The following TOX2 variants were observed in gnomAD, a reference collection of about 807,000 sequenced individuals.
TOX2 encodes granulosa cell HMG box 1.
Under a neutral mutation model 47.4 loss-of-function variants are expected in TOX2, and 15 were observed. That is an observed-to-expected ratio of 0.32 (90% CI 0.21 to 0.49). The LOEUF is 0.49. Ranked by LOEUF, TOX2 falls within the 20% of genes least tolerant of loss-of-function variation. The pLI is 0.99. For missense variants in TOX2, 622 were observed against 673.1 expected, an observed-to-expected ratio of 0.92 and a Z score of 0.84; for synonymous variants, 290 against 296.6, an observed-to-expected ratio of 0.98 and a Z score of 0.23.
intron 1 of TOX2, chr20:43,945,846 C>A (rs2069460194): frequency 6.3e-7 from 1 of 1,595,050 alleles, no homozygotes; most frequent in Non-Finnish European, 8.5e-7. Context: ...AATAGAGGAC[C>A]AAGAGTTGTC....
intron 3 of TOX2, among the ~76,000 whole-genome samples, chr20:44,023,431 GAA>G (rs35627597): frequency 7.6e-5 from 9 of 119,146 alleles, no homozygotes; most frequent in East Asian, 4.7e-4. Flanking sequence ...CTTTATCTCA[GAA>G]AAAAAAAAAA....
At chr20:43,938,021 C>T (rs897673202) in intron 1 of TOX2, among the ~76,000 whole-genome samples, 1 of 152,194 alleles carries the variant, frequency 6.6e-6, no homozygotes, top group Non-Finnish European at 1.5e-5. Context: ...ATAGGGCCAG[C>T]TCCCATCCTC....
rs1392976478 is a variant in TOX2 at position 43,915,790 on chromosome 20, G to T, written c.99+800G>T. ...AGGCCTGTGTCCTCCCGGGAGCGGTGAGCCGGCGTCCCTCCAGGCTGGGGC... is the reference window on the plus strand; with the variant it reads ...AGGCCTGTGTCCTCCCGGGAGCGGTTAGCCGGCGTCCCTCCAGGCTGGGGC... On this transcript the variant is annotated intron_variant, in intron 1 of 8. Transcript: ENST00000341197. The surrounding 1 kb of genome is among the most constrained non-coding windows in gnomAD (Gnocchi z 7.1). Among the ~76,000 whole-genome samples, 1 of 152,236 alleles carries T rather than the reference G, an allele frequency of 6.6e-6. No homozygotes were observed. Among genetic ancestry groups the T allele is most frequent in the Non-Finnish European group, 1.5e-5 (1 of 68,038 alleles).
intron 3 of TOX2, among the ~76,000 whole-genome samples, chr20:44,014,128 C>CAAAAAAAAAA (rs55721806): frequency 1.9e-5 from 1 of 53,578 alleles, no homozygotes; most frequent in African/African-American, 7.5e-5. Context: ...GAGACTATCT[C>CAAAAAAAAAA]AAAAAAAAAA....
chr20:43,952,169 G>A (rs991586653), intron 1 of TOX2, among the ~76,000 whole-genome samples: 1 of 152,034 alleles, frequency 6.6e-6, no homozygotes, highest in African/African-American at 2.4e-5. Context: ...CCAAAGTGCT[G>A]GAATTACAGG....
chr20:43,992,134 A>T (rs1051443989), intron 2 of TOX2, among the ~76,000 whole-genome samples: 9 of 152,182 alleles, frequency 5.9e-5, no homozygotes, highest in Non-Finnish European at 1.0e-4. Flanking sequence ...GGGAAAGGAC[A>T]TTGCAGTAGA....
At chr20:44,068,347 T>C (rs528455238) in intron 8 of TOX2, among the ~76,000 whole-genome samples, 1 of 152,214 alleles carries the variant, frequency 6.6e-6, no homozygotes, top group Admixed American at 6.5e-5. Flanking sequence ...TTCCTGTGAT[T>C]AAAAACCCAT....
chr20:43,994,099 T>A (rs1479227770), intron 2 of TOX2, among the ~76,000 whole-genome samples: 4 of 151,552 alleles, frequency 2.6e-5, no homozygotes, highest in Admixed American at 2.6e-4. Context: ...TGCAGTGAGC[T>A]GTGATCATGC....
Position 44,068,786 on chromosome 20 carries a change from C to T in TOX2, c.*100C>T, listed in dbSNP as rs2071882449. 8 of 1,508,838 alleles carry T rather than the reference C, an allele frequency of 5.3e-6. No homozygotes were observed. The highest frequency in any genetic ancestry group is 6.4e-6 in the Non-Finnish European group (7 of 1,099,060). 93.5% of individuals were successfully genotyped at this position (1,508,838 alleles called of 1,614,324 possible). On this transcript the variant is annotated 3_prime_UTR_variant, in exon 9 of 9. Coordinates refer to ENST00000341197, the MANE Select transcript of TOX2 (RefSeq NM_001098797.2). ...GGCCCTGGCCAGAGGCAGGGTGGCC[C>T]ATCGGAGAGAGCAGTGACACACCCA...
intron 1 of TOX2, among the ~76,000 whole-genome samples, chr20:43,917,697 T>C (rs112076189): frequency 5.6e-4 from 85 of 152,272 alleles, no homozygotes; most frequent in African/African-American, 2.0e-3. Flanking sequence ...GTCACGAACA[T>C]TGGTTGTTCT....
At chr20:43,927,167 C>T (rs188518331) in intron 1 of TOX2, among the ~76,000 whole-genome samples, 97 of 152,238 alleles carry the variant, frequency 6.4e-4, no homozygotes, top group African/African-American at 2.3e-3. Context: ...ATAGTTCCTC[C>T]CAGTTCAAAT....
At chr20:44,027,519 C>T (rs953519768) in intron 3 of TOX2, among the ~76,000 whole-genome samples, 1 of 152,252 alleles carries the variant, frequency 6.6e-6, no homozygotes, top group Admixed American at 6.5e-5. Context: ...CTCCCTGCTT[C>T]TGTGTCTCCT....
At chr20:43,977,673 A>G (rs1230295199) in intron 2 of TOX2, among the ~76,000 whole-genome samples, 3 of 150,694 alleles carry the variant, frequency 2.0e-5, no homozygotes, top group Non-Finnish European at 4.4e-5. Flanking sequence ...AAATGATCAC[A>G]CTCCCTCTCC....
intron 1 of TOX2, among the ~76,000 whole-genome samples, chr20:43,964,858 G>A (rs2069823186): frequency 6.6e-6 from 1 of 152,098 alleles, no homozygotes; most frequent in African/African-American, 2.4e-5. Context: ...CAGCAGCCTT[G>A]GATGTCATAT....
chr20:43,983,724 C>T (rs1166619456), intron 2 of TOX2, among the ~76,000 whole-genome samples: 1 of 152,154 alleles, frequency 6.6e-6, no homozygotes, highest in Non-Finnish European at 1.5e-5. Flanking sequence ...TGATCAATAA[C>T]ATTTGCCCTG....
At chr20:44,067,415 C>G (rs1356751197) in intron 8 of TOX2, among the ~76,000 whole-genome samples, 2 of 152,180 alleles carry the variant, frequency 1.3e-5, no homozygotes, top group Admixed American at 1.3e-4. Context: ...TCAGTCAGCC[C>G]TTGGCTGTGG....
intron 5 of TOX2, among the ~76,000 whole-genome samples, chr20:44,057,439 C>CTAT (rs1234439359): frequency 1.3e-5 from 2 of 152,120 alleles, no homozygotes; most frequent in Non-Finnish European, 2.9e-5. Context: ...ACTTATATTC[C>CTAT]TATTTTACTA....
At chr20:44,004,138 G>C (rs986071080) in intron 2 of TOX2, among the ~76,000 whole-genome samples, 1 of 152,190 alleles carries the variant, frequency 6.6e-6, no homozygotes, top group African/African-American at 2.4e-5. Context: ...GTGGTTCTAT[G>C]AACGGGATGG....
At chr20:43,981,257 A>G (rs561438273) in intron 2 of TOX2, among the ~76,000 whole-genome samples, 1 of 152,322 alleles carries the variant, frequency 6.6e-6, no homozygotes, top group East Asian at 1.9e-4. Flanking sequence ...TTGCAAATAC[A>G]TTGACCTTTA....
Sources: gnomAD v4.1 joint callset for allele counts (sites outside exome capture counted in the v4.1 genomes callset) on GRCh38, gnomAD v4.1.1 for gene constraint, Gnocchi (gnomAD v3.1) non-coding constraint, MANE v1.5 for transcripts, NCBI Gene and HGNC (gene_info 2026-07-23, HGNC 2026-07-21) for gene names.